Variants in USP47 observed in about 807,000 individuals in gnomAD.
USP47 encodes ubiquitin specific peptidase 47, also known as ubiquitin carboxyl-terminal hydrolase 47.
In USP47, 35 loss-of-function variants were observed where a neutral mutation model predicts 165.1. That is an observed-to-expected ratio of 0.21 (90% confidence interval 0.16 to 0.28). The LOEUF (loss-of-function observed/expected upper bound fraction) is 0.28, where lower values mean the gene tolerates loss of function less well. USP47 is among the 10% of genes least tolerant of loss of function. USP47 has a pLI of 1.00. For missense variants in USP47, 1,277 were observed against 1,607.4 expected, an observed-to-expected ratio of 0.79 and a Z score of 3.52; for synonymous variants, 531 against 544.5, an observed-to-expected ratio of 0.98 and a Z score of 0.35.
chr11:11,841,978 GGCGGC>G lies in USP47; in HGVS notation c.-207_-203del. The G allele has an allele frequency of 3.8e-6, 2 of 530,176 alleles. No homozygotes were observed. Among genetic ancestry groups the G allele is most frequent in the East Asian group, 3.3e-5 (1 of 30,138 alleles). The allele number at this position is 530,176 out of a possible 1,614,324, so 32.8% of individuals were successfully genotyped here. ...GGCTGGGGGAGGGGCCGACGACGAA[GGCGGC>G]TGTGGTAGCGGCGGCGGCGGCGGCG... On this transcript the variant is annotated 5_prime_UTR_variant, in exon 1 of 28. Coordinates refer to ENST00000527733, the MANE Select transcript of USP47 (RefSeq NM_001282659.2).
chr11:11,891,627 G>A (rs2134376856), intron 3 of USP47, among the ~76,000 whole-genome samples: 2 of 152,230 alleles, frequency 1.3e-5, no homozygotes, highest in South Asian at 4.1e-4. Flanking sequence ...TTAAAATGAA[G>A]TTTCTTGTCA....
Position 11,900,540 on chromosome 11 carries a change from A to G in USP47, c.594-2175A>G, listed in dbSNP as rs560976658. On this transcript the variant is annotated intron_variant, in intron 5 of 27. Coordinates refer to ENST00000527733, the MANE Select transcript of USP47 (RefSeq NM_001282659.2). ...GTCATATACGTGATGGGTTAAATAC[A>G]TTGTTTTAGGAAAGTTTATATAGTG... Among the ~76,000 whole-genome samples, 12 of 152,282 alleles carry G rather than the reference A, an allele frequency of 7.9e-5. No individual in the cohort carries two copies. In the South Asian group the frequency reaches 2.5e-3, roughly 32 times the overall value.
intron 1 of USP47, among the ~76,000 whole-genome samples, chr11:11,865,075 ATCTTTC>A (rs899041670): frequency 1.3e-5 from 2 of 152,106 alleles, no homozygotes; most frequent in African/African-American, 2.4e-5. Context: ...ACTTGCAAAA[ATCTTTC>A]TCTTTGTCTT....
intron 25 of USP47, among the ~76,000 whole-genome samples, 191 bp from the exon 26 acceptor site, chr11:11,954,706 G>A (rs1365423980): frequency 2.0e-5 from 3 of 152,160 alleles, no homozygotes; most frequent in Non-Finnish European, 4.4e-5. Flanking sequence ...AAAAGGTCTG[G>A]AAGGAATATA....
chr11:11,906,947 AC>A (rs1328278755), intron 8 of USP47, among the ~76,000 whole-genome samples: 1 of 152,092 alleles, frequency 6.6e-6, no homozygotes, highest in Non-Finnish European at 1.5e-5. Context: ...TATTTTTTAT[AC>A]CTTATTTATT....
intron 3 of USP47, 135 bp downstream of exon 3, chr11:11,884,715 GGTTT>G: frequency 1.6e-6 from 1 of 629,408 alleles, no homozygotes. Context: ...ATTTTATGTT[GGTTT>G]GTTATAAGTG....
intron 16 of USP47, among the ~76,000 whole-genome samples, chr11:11,935,841 A>G (rs887663295): frequency 6.6e-6 from 1 of 151,940 alleles, no homozygotes; most frequent in African/African-American, 2.4e-5. Context: ...TGATGGCTTT[A>G]TGAGACATGC....
At chr11:11,892,564 C>T (rs1317052853) in intron 4 of USP47, among the ~76,000 whole-genome samples, 1 of 150,964 alleles carries the variant, frequency 6.6e-6, no homozygotes, top group Non-Finnish European at 1.5e-5. Context: ...AATCCCAGCA[C>T]TTTGGGAAGG....
intron 14 of USP47, among the ~76,000 whole-genome samples, chr11:11,932,296 C>G (rs938876880): frequency 6.6e-6 from 1 of 152,194 alleles, no homozygotes; most frequent in Admixed American, 6.5e-5. Context: ...CCAGGCCCCA[C>G]CTCCAGTATT....
chr11:11,899,848 G>A (rs2134431336), intron 5 of USP47, among the ~76,000 whole-genome samples: 1 of 152,250 alleles, frequency 6.6e-6, no homozygotes, highest in East Asian at 1.9e-4. Context: ...CAAAGCCTGA[G>A]AGCACTCATG....
intron 1 of USP47, among the ~76,000 whole-genome samples, chr11:11,874,903 A>G (rs1215694725): frequency 6.6e-6 from 1 of 152,214 alleles, no homozygotes; most frequent in Non-Finnish European, 1.5e-5. Context: ...TATTCATACT[A>G]TCAATTCTGT....
intron 24 of USP47, chr11:11,952,203 CAGT>C (rs1213797279): frequency 6.6e-6 from 1 of 152,254 alleles, no homozygotes; most frequent in Non-Finnish European, 1.5e-5. Context: ...GGGACTGAAT[CAGT>C]AGAAGTTCTT....
At chr11:11,954,394 C>T (rs555880543) in intron 25 of USP47, among the ~76,000 whole-genome samples, 15 of 152,244 alleles carry the variant, frequency 9.9e-5, no homozygotes, top group African/African-American at 3.6e-4. Flanking sequence ...TTCAGCCTCC[C>T]GAGTAGCTGG....
intron 2 of USP47, among the ~76,000 whole-genome samples, chr11:11,881,802 C>G (rs1034612119): frequency 1.3e-5 from 2 of 152,090 alleles, no homozygotes; most frequent in Non-Finnish European, 2.9e-5. Flanking sequence ...TATAAGGACA[C>G]TGATTCCATT....
At chr11:11,875,991 C>G (rs142139527) in intron 1 of USP47, among the ~76,000 whole-genome samples, 1 of 152,196 alleles carries the variant, frequency 6.6e-6, no homozygotes, top group Non-Finnish European at 1.5e-5. Flanking sequence ...CCACAGAGCA[C>G]TCTATTAGCT....
At chr11:11,864,602 A>G (rs1849570404) in intron 1 of USP47, among the ~76,000 whole-genome samples, 1 of 152,044 alleles carries the variant, frequency 6.6e-6, no homozygotes, top group South Asian at 2.1e-4. Flanking sequence ...ACTAGTGTAG[A>G]TATCTCATAT....
Position 11,958,858 on chromosome 11 carries a change from A to T in USP47, c.*2683A>T, listed in dbSNP as rs1345389335. 6.6e-6 allele frequency: 1 copy of T among 152,160 alleles called. No homozygotes were observed. Among genetic ancestry groups the T allele is most frequent in the African/African-American group, 2.4e-5 (1 of 41,428 alleles). 9.4% of individuals were successfully genotyped at this position (152,160 alleles called of 1,614,324 possible). ...CAGTGTGTGAAGCAGCCTTCACACTAGAGTGTTTGGTCATCTCTTATAATG... is the reference window on the plus strand; with the variant it reads ...CAGTGTGTGAAGCAGCCTTCACACTTGAGTGTTTGGTCATCTCTTATAATG... On this transcript the variant is annotated 3_prime_UTR_variant, in exon 28 of 28. Coordinates refer to ENST00000527733, the MANE Select transcript of USP47 (RefSeq NM_001282659.2).
At chr11:11,923,252 C>T (rs911232630) in intron 11 of USP47, among the ~76,000 whole-genome samples, 6 of 151,494 alleles carry the variant, frequency 4.0e-5, no homozygotes, top group Non-Finnish European at 5.9e-5. Context: ...CAGCAAGTGT[C>T]TATAAATTTT....
At chr11:11,903,101 G>T (rs1382326504) in intron 6 of USP47, among the ~76,000 whole-genome samples, 162 bp from the exon 7 acceptor site, 1 of 151,988 alleles carries the variant, frequency 6.6e-6, no homozygotes, top group Non-Finnish European at 1.5e-5. Flanking sequence ...TCTGGCGTGT[G>T]ATTTCCTTTT....
Sources: allele counts gnomAD v4.1 joint callset (sites outside exome capture counted in the v4.1 genomes callset), GRCh38; gene constraint gnomAD v4.1.1; transcripts MANE v1.5; gene names NCBI Gene and HGNC (gene_info 2026-07-23, HGNC 2026-07-21).